RBPJ: variants seen among roughly 807,000 people sequenced by gnomAD.
RBPJ encodes recombining binding protein suppressor of hairless.
A neutral mutation model predicts 67.8 loss-of-function variants in RBPJ; 9 were observed. The ratio of observed to expected loss-of-function variants is 0.13; its 90% CI spans 0.08 to 0.23. RBPJ has a LOEUF of 0.23. Ranked by LOEUF, RBPJ falls within the 10% of genes least tolerant of loss-of-function variation. The pLI is 1.00. For missense variants in RBPJ, 305 were observed against 595.6 expected, an observed-to-expected ratio of 0.51 and a Z score of 5.08; for synonymous variants, 198 against 203.3, an observed-to-expected ratio of 0.97 and a Z score of 0.22.
intron 1 of RBPJ, among the ~76,000 whole-genome samples, chr4:26,274,980 A>T (rs551313772): frequency 9.9e-4 from 150 of 152,278 alleles, no homozygotes; most frequent in African/African-American, 3.4e-3. Context: ...AAAGGAAAGG[A>T]AAAAAGTTTC....
the RBPJ span, among the ~76,000 whole-genome samples, chr4:26,148,874 G>A: frequency 6.6e-6 from 1 of 152,216 alleles, no homozygotes; most frequent in Non-Finnish European, 1.5e-5. Context: ...CTGAAACTGA[G>A]CAATAAAAGA....
At chr4:26,386,228 C>A in intron 1 of RBPJ, 125 bp from the exon 2 acceptor site, 2 of 648,580 alleles carry the variant, frequency 3.1e-6, no homozygotes, top group South Asian at 2.1e-5. Flanking sequence ...GGATTTCTGT[C>A]TTCATGTTCT....
chr4:26,330,269 A>T (rs947068052), intron 1 of RBPJ, among the ~76,000 whole-genome samples: 1 of 152,200 alleles, frequency 6.6e-6, no homozygotes, highest in Non-Finnish European at 1.5e-5. Context: ...TCATAAGAAA[A>T]GGAGCAATTA....
At chr4:26,330,108 T>C (rs936680165) in intron 1 of RBPJ, among the ~76,000 whole-genome samples, 2 of 152,204 alleles carry the variant, frequency 1.3e-5, no homozygotes, top group African/African-American at 4.8e-5. Flanking sequence ...GGTGAACAGA[T>C]ACAAGAGAAC....
At chr4:26,164,250 C>T (rs1037842253) in intron 1 of RBPJ, among the ~76,000 whole-genome samples, 5 of 152,162 alleles carry the variant, frequency 3.3e-5, no homozygotes, top group African/African-American at 7.2e-5. Flanking sequence ...TTCATGCATG[C>T]GTTTATTCAC....
At chr4:26,193,571 A>G (rs913731227) in intron 1 of RBPJ, among the ~76,000 whole-genome samples, 15 of 151,970 alleles carry the variant, frequency 9.9e-5, no homozygotes, top group Non-Finnish European at 1.9e-4. Flanking sequence ...CTGCCTTTCA[A>G]CTTGCTCCAG....
intron 4 of RBPJ, among the ~76,000 whole-genome samples, chr4:26,417,750 C>G (rs1354309425): frequency 6.6e-6 from 1 of 152,184 alleles, no homozygotes; most frequent in Admixed American, 6.5e-5. Flanking sequence ...GCACTTTGCT[C>G]TTGTCTGCCT....
At chr4:26,225,756 G>T (rs1414250678) in intron 1 of RBPJ, among the ~76,000 whole-genome samples, 2 of 151,420 alleles carry the variant, frequency 1.3e-5, no homozygotes, top group Non-Finnish European at 1.5e-5. Context: ...TAATGCCATT[G>T]TAAAAAAAAA....
chr4:26,189,386 A>G (rs535923871), intron 1 of RBPJ, among the ~76,000 whole-genome samples: 1 of 152,332 alleles, frequency 6.6e-6, no homozygotes, highest in Admixed American at 6.5e-5. Context: ...GACTGGGCAC[A>G]GTGGCTCACA....
chr4:26,132,780 C>T, the RBPJ span, among the ~76,000 whole-genome samples: 1 of 152,162 alleles, frequency 6.6e-6, no homozygotes, highest in South Asian at 2.1e-4. Flanking sequence ...TTCTCTGGGG[C>T]CTCTTTTCTG....
the RBPJ span, among the ~76,000 whole-genome samples, chr4:26,128,204 G>T: frequency 1.1e-4 from 16 of 152,242 alleles, no homozygotes; most frequent in Admixed American, 1.0e-3. Flanking sequence ...GGCTCTGGAA[G>T]GCAGCTCTGT....
intron 1 of RBPJ, among the ~76,000 whole-genome samples, chr4:26,255,562 G>T (rs1433094268): frequency 6.6e-6 from 1 of 151,056 alleles, no homozygotes; most frequent in Non-Finnish European, 1.5e-5. Flanking sequence ...CAGCACTTTG[G>T]GAGGCCAAGG....
chr4:26,306,604 C>T (rs935021309), intron 1 of RBPJ, among the ~76,000 whole-genome samples: 12 of 152,080 alleles, frequency 7.9e-5, no homozygotes, highest in African/African-American at 2.4e-4. Flanking sequence ...TGTCCGCCAC[C>T]ATGCCCGGCC....
chr4:26,211,636 G>A (rs981221034), intron 1 of RBPJ, among the ~76,000 whole-genome samples: 1 of 152,152 alleles, frequency 6.6e-6, no homozygotes, highest in African/African-American at 2.4e-5. Flanking sequence ...AGTGGATACA[G>A]CGGTGGGAAC....
chr4:26,384,638 C>T (rs1730625751), intron 1 of RBPJ: 1 of 152,146 alleles, frequency 6.6e-6, no homozygotes, highest in South Asian at 2.1e-4. Flanking sequence ...AGTTTATTCT[C>T]CATATACTTA....
At chr4:26,255,295 T>G (rs563235665) in intron 1 of RBPJ, among the ~76,000 whole-genome samples, 21 of 121,092 alleles carry the variant, frequency 1.7e-4, no homozygotes, top group Non-Finnish European at 2.6e-4. Flanking sequence ...TCCCAGCTAC[T>G]CGGGAGGCTG....
At chr4:26,319,466 T>A, upstream of RBPJ, among the ~76,000 whole-genome samples, 1 of 64,602 alleles carries the variant, frequency 1.5e-5, no homozygotes, top group Non-Finnish European at 3.2e-5. Flanking sequence ...AGCCGCTCCC[T>A]TCCCACCCCG....
intron 1 of RBPJ, among the ~76,000 whole-genome samples, chr4:26,182,199 G>A (rs556667978): frequency 3.3e-5 from 5 of 152,068 alleles, no homozygotes; most frequent in African/African-American, 1.2e-4. Flanking sequence ...AAAATTAGCC[G>A]GGCGCCGTGG....
upstream of RBPJ, among the ~76,000 whole-genome samples, chr4:26,317,583 C>T (rs979887448): frequency 6.6e-6 from 1 of 152,024 alleles, no homozygotes; most frequent in East Asian, 1.9e-4. Flanking sequence ...AAGACAAGAA[C>T]GGAAGAAGGG....
Sources: gnomAD v4.1 joint callset for allele counts (sites outside exome capture counted in the v4.1 genomes callset) on GRCh38, gnomAD v4.1.1 for gene constraint, MANE v1.5 for transcripts, NCBI Gene and HGNC (gene_info 2026-07-23, HGNC 2026-07-21) for gene names.